CBY1: variants seen among roughly 807,000 people sequenced by gnomAD.
CBY1 encodes the protein chibby 1, beta catenin antagonist, also known as protein chibby homolog 1.
In CBY1, 10 loss-of-function variants were observed where a neutral mutation model predicts 15.6. That is an observed-to-expected ratio of 0.64 (90% CI 0.40 to 1.09). The LOEUF (loss-of-function observed/expected upper bound fraction) is 1.09, where lower values mean the gene tolerates loss of function less well. CBY1 is among the 50% of genes least tolerant of loss of function. CBY1 has a pLI of 0.01. For synonymous variants in CBY1, 61 were observed against 63.5 expected (o/e 0.96, Z 0.19); for missense variants, 150 against 160.5 (o/e 0.93, Z 0.35).
At chr22:38,664,419 C>T (rs2092430471) in intron 1 of CBY1, among the ~76,000 whole-genome samples, 1 of 145,590 alleles carries the variant, frequency 6.9e-6, no homozygotes, top group Non-Finnish European at 1.5e-5. Context: ...TTGCAGTGAG[C>T]TGAGATTGTG....
At chr22:38,671,640 T>A (rs2092452829) in intron 4 of CBY1, 1 of 168,860 alleles carries the variant, frequency 5.9e-6, no homozygotes, top group South Asian at 1.6e-4. Context: ...TCACACTGCA[T>A]TAGTGTTGGT....
chr22:38,661,686 T>A (rs1027056702), intron 1 of CBY1, among the ~76,000 whole-genome samples: 1 of 152,300 alleles, frequency 6.6e-6, no homozygotes, highest in Non-Finnish European at 1.5e-5. Flanking sequence ...CCTGTTCTCA[T>A]TGGATACATA....
chr22:38,668,090 G>T lies in CBY1; in HGVS notation c.36G>T (p.Lys12Asn). The T allele has an allele frequency of 6.2e-7, 1 of 1,613,876 alleles. No individual in the cohort carries two copies. ...PFFGNTFSPK[K>N]TPPRKSASLS... Reference sequence around the variant, plus strand: ...TTGGGAATACGTTCAGTCCGAAGAAGACACCTCCTCGGAAGTCGGCATCTC... The same window carrying T: ...TTGGGAATACGTTCAGTCCGAAGAATACACCTCCTCGGAAGTCGGCATCTC... Residue 12 changes from lysine (K) to asparagine (N), a missense_variant, in exon 2 of 5, where the codon AAG becomes AAT. Transcript: ENST00000216029.
intron 1 of CBY1, among the ~76,000 whole-genome samples, chr22:38,659,912 C>G (rs1488017105): frequency 6.6e-6 from 1 of 151,058 alleles, no homozygotes; most frequent in Non-Finnish European, 1.5e-5. Flanking sequence ...TGGCTACACC[C>G]AAATTGTTTG....
intron 4 of CBY1, among the ~76,000 whole-genome samples, chr22:38,672,570 C>A (rs1024519203): frequency 1.3e-5 from 2 of 152,014 alleles, no homozygotes; most frequent in Admixed American, 6.6e-5. Context: ...CCTGTCTTGG[C>A]CTCCCAAAGT....
At chr22:38,670,512 TAGCTCCATATTA>T in intron 2 of CBY1, 1 of 178,836 alleles carries the variant, frequency 5.6e-6, no homozygotes, top group Non-Finnish European at 1.2e-5. Flanking sequence ...ACAACATATG[TAGCTCCATATTA>T]AGCAAATGAT....
At chr22:38,667,909 C>A in intron 1 of CBY1, 108 bp from the exon 2 acceptor site, 1 of 629,482 alleles carries the variant, frequency 1.6e-6, no homozygotes. Context: ...ACCATAGCAC[C>A]AGGATCGTTA....
At chr22:38,659,861 CAAAAAA>C (rs71197126) in intron 1 of CBY1, among the ~76,000 whole-genome samples, 1 of 68,380 alleles carries the variant, frequency 1.5e-5, no homozygotes, top group Non-Finnish European at 2.8e-5. Context: ...GACTCTGTCT[CAAAAAA>C]AAAAAAAAAA....
chr22:38,665,107 G>A (rs2092432412), intron 1 of CBY1, among the ~76,000 whole-genome samples: 2 of 152,198 alleles, frequency 1.3e-5, no homozygotes, highest in African/African-American at 2.4e-5. Context: ...GCCTCCCAAA[G>A]TGCTAGGATT....
At chr22:38,668,357 C>A in intron 2 of CBY1, 1 of 455,142 alleles carries the variant, frequency 2.2e-6, no homozygotes, top group Non-Finnish European at 3.9e-6. Context: ...GATATTTGAC[C>A]CCAAATATCC....
chr22:38,673,527 C>T lies in CBY1; in HGVS notation c.*291C>T, dbSNP rs544879514. ...TTTTGGTGCTCTCCACACACAAGCTCGCAAACACACATGTCCCAGAATAGC... is the reference window on the plus strand; with the variant it reads ...TTTTGGTGCTCTCCACACACAAGCTTGCAAACACACATGTCCCAGAATAGC... On this transcript the variant is annotated 3_prime_UTR_variant, in exon 5 of 5. Coordinates refer to ENST00000216029, the MANE Select transcript of CBY1 (RefSeq NM_015373.4). 4 of 329,298 alleles carry T rather than the reference C, an allele frequency of 1.2e-5. No homozygotes were observed. The highest frequency in any genetic ancestry group is 6.4e-5 in the East Asian group (1 of 15,516). The allele number at this position is 329,298 out of a possible 1,614,324, so 20.4% of individuals were successfully genotyped here.
chr22:38,669,967 A>C (rs1468342381), intron 2 of CBY1: 1 of 152,104 alleles, frequency 6.6e-6, no homozygotes, highest in African/African-American at 2.4e-5. Context: ...ACGGTGGCTC[A>C]CGTCTATAAT....
chr22:38,671,193 G>A lies in CBY1; in HGVS notation c.303+5G>A. 6.3e-7 allele frequency: 1 copy of A among 1,593,562 alleles called. No individual in the cohort carries two copies. Among genetic ancestry groups the A allele is most frequent in the Non-Finnish European group, 8.6e-7 (1 of 1,161,614 alleles). Reference sequence around the variant, plus strand: ...GTGGACATCTTATTAGACATGGTGAGGCAGGTGATGGGGAAGAGAGGCCTA... The same window carrying A: ...GTGGACATCTTATTAGACATGGTGAAGCAGGTGATGGGGAAGAGAGGCCTA... On this transcript the variant is annotated splice_donor_5th_base_variant and intron_variant, in intron 4 of 4. Transcript: ENST00000216029.
At chr22:38,657,788 T>C (rs1328906722) in intron 1 of CBY1, among the ~76,000 whole-genome samples, 1 of 152,204 alleles carries the variant, frequency 6.6e-6, no homozygotes, top group Non-Finnish European at 1.5e-5. Context: ...GTCCAGCCCA[T>C]GTGCTCAGGC....
intron 1 of CBY1, among the ~76,000 whole-genome samples, chr22:38,662,970 A>G (rs1002008116): frequency 2.6e-5 from 4 of 151,940 alleles, no homozygotes; most frequent in East Asian, 1.9e-4. Context: ...AAGTACAAAC[A>G]TTAGTTGGGT....
intron 1 of CBY1, among the ~76,000 whole-genome samples, chr22:38,660,192 T>C (rs1239651949): frequency 6.6e-6 from 1 of 152,040 alleles, no homozygotes; most frequent in Non-Finnish European, 1.5e-5. Flanking sequence ...TGAAAATGCA[T>C]TTTTTTAACT....
At chr22:38,665,320 C>A (rs2092432890) in intron 1 of CBY1, among the ~76,000 whole-genome samples, 1 of 152,064 alleles carries the variant, frequency 6.6e-6, no homozygotes, top group Admixed American at 6.6e-5. Context: ...AGAAAATTAG[C>A]CAGCATGGTG....
intron 4 of CBY1, chr22:38,671,407 G>GTCTGCACAGGA (rs1344716078): frequency 1.8e-6 from 1 of 552,670 alleles, no homozygotes; most frequent in Non-Finnish European, 3.3e-6. Context: ...CCCAGTTGGA[G>GTCTGCACAGGA]TCTGCACAGG....
intron 1 of CBY1, among the ~76,000 whole-genome samples, chr22:38,664,637 G>C (rs1342296312): frequency 6.6e-6 from 1 of 152,126 alleles, no homozygotes; most frequent in Non-Finnish European, 1.5e-5. Flanking sequence ...AGATGAAAAA[G>C]AAAGTGCCAG....
Sources: gnomAD v4.1 joint callset for allele counts (sites outside exome capture counted in the v4.1 genomes callset) on GRCh38, gnomAD v4.1.1 for gene constraint, MANE v1.5 for transcripts, NCBI Gene and HGNC (gene_info 2026-07-23, HGNC 2026-07-21) for gene names.